The following PIGR variants were observed in gnomAD, a reference collection of about 807,000 sequenced individuals.
The protein encoded by PIGR is polymeric immunoglobulin receptor, also known as hepatocellular carcinoma associated protein TB6.
Under a neutral mutation model 69.5 loss-of-function variants are expected in PIGR, and 22 were observed. That is an observed-to-expected ratio of 0.32 (90% CI 0.23 to 0.45). The LOEUF is 0.45. PIGR is among the 20% of genes least tolerant of loss of function. PIGR has a pLI of 1.00. For missense variants in PIGR, 885 were observed against 974.0 expected, an observed-to-expected ratio of 0.91 and a Z score of 1.22; for synonymous variants, 413 against 407.6, an observed-to-expected ratio of 1.01 and a Z score of -0.16.
chr1:206,930,341 G>C lies in PIGR; in HGVS notation c.2272C>G (p.Gln758Glu), dbSNP rs748350170. The change falls in exon 11 of 11, where the codon CAG (glutamine) becomes GAG (glutamate). Residue 758 changes from glutamine (Q) to glutamate (E), a missense_variant. Transcript: ENST00000356495. The surrounding 1 kb of genome is among the most constrained non-coding windows in gnomAD (Gnocchi z 4.3). ...LQSSTVAAEA[Q>E]DGPQEA is the part of the protein sequence containing the mutation. Reference sequence around the variant, plus strand: ...GTCTAGGCTTCCTGGGGGCCGTCCTGGGCCTCGGCGGCCACGGTGCTGGAC... The same window carrying C: ...GTCTAGGCTTCCTGGGGGCCGTCCTCGGCCTCGGCGGCCACGGTGCTGGAC... 17 of 1,611,664 alleles carry C rather than the reference G, an allele frequency of 1.1e-5. No homozygotes were observed. Among genetic ancestry groups the C allele is most frequent in the Non-Finnish European group, 1.4e-5 (17 of 1,178,866 alleles).
At position 206,935,673 on chromosome 1, in the gene PIGR, C is replaced by T. The variant is rs1679848909; in HGVS notation, c.1191G>A (p.Leu397=). The stretch of plus-strand genomic sequence containing the variant: ...TAACCCACCCCTCGCTGTCCACCAG[C>T]AGGGGGCAGCGGCCATTCTGGGCCC... ...WEGAQNGRCP[L]LVDSEGWVKA... Residue 397 remains leucine (L), a synonymous_variant, in exon 5 of 11, where the codon CTG becomes CTA. Coordinates refer to ENST00000356495, the MANE Select transcript of PIGR (RefSeq NM_002644.4). This position sits in a 1 kb window ranked among gnomAD's most constrained non-coding sequence, Gnocchi z 4.4. 6.2e-7 allele frequency: 1 copy of T among 1,613,982 alleles called. No homozygotes were observed. Among genetic ancestry groups the T allele is most frequent in the Non-Finnish European group, 8.5e-7 (1 of 1,179,968 alleles).
rs373109490 is a variant in PIGR at position 206,930,447 on chromosome 1, G to T, written c.2200-34C>A. ...CAAGAGGAGAGGCATCAGTGTTGGG[G>T]GCACTGGCTCAGTGGGTGGAGTCAG... On this transcript the variant is annotated intron_variant, in intron 10 of 10. Transcript: ENST00000356495. This position sits in a 1 kb window ranked among gnomAD's most constrained non-coding sequence, Gnocchi z 4.3. 1.2e-6 allele frequency: 2 copies of T among 1,602,298 alleles called. No homozygotes were observed. The highest frequency in any genetic ancestry group is 2.3e-5 in the East Asian group (1 of 44,252).
Position 206,935,405 on chromosome 1 carries a change from G to GA in PIGR, c.1378+80dup. On this transcript the variant is annotated intron_variant, in intron 5 of 10. Coordinates refer to ENST00000356495, the MANE Select transcript of PIGR (RefSeq NM_002644.4). This position sits in a 1 kb window ranked among gnomAD's most constrained non-coding sequence, Gnocchi z 4.4. ...CTGGCCCATCAGGGTGGAGGCGGGT[G>GA]AAAAAGGAGGAAGAGTGGTTGGGGA... 8.0e-7 allele frequency: 1 copy of GA among 1,246,574 alleles called. No individual in the cohort carries two copies. Among genetic ancestry groups the GA allele is most frequent in the Non-Finnish European group, 1.1e-6 (1 of 877,132 alleles). The allele number at this position is 1,246,574 out of a possible 1,614,324, so 77.2% of individuals were successfully genotyped here. A position where few individuals can be genotyped will look rare whatever the true frequency, so the allele number is the denominator to read the frequency against.
intron 3 of PIGR, 40 bp downstream of exon 3, chr1:206,939,079 C>T: frequency 6.5e-7 from 1 of 1,537,102 alleles, no homozygotes; most frequent in Non-Finnish European, 8.9e-7. Context: ...AGAATTCCCT[C>T]TAACTTTCCC....
rs372017287 is a variant in PIGR, at chr1:206,935,857, C to A, written c.1046-39G>T. ...CAGAGATGGGATGGGAGGATGGCCA[C>A]GCAGGAAGAGCCTTGCGTGGCCTGA... On this transcript the variant is annotated intron_variant, in intron 4 of 10. Coordinates refer to ENST00000356495, the MANE Select transcript of PIGR (RefSeq NM_002644.4). This position sits in a 1 kb window ranked among gnomAD's most constrained non-coding sequence, Gnocchi z 4.4. 3 of 1,502,702 alleles carry A rather than the reference C, an allele frequency of 2.0e-6. No homozygotes were observed. Among genetic ancestry groups the A allele is most frequent in the Non-Finnish European group, 9.0e-7 (1 of 1,105,066 alleles). 93.1% of individuals were successfully genotyped at this position (1,502,702 alleles called of 1,614,324 possible).
rs377576683 is a variant in PIGR at position 206,939,985 on chromosome 1, G to T, written c.43+504C>A. On this transcript the variant is annotated intron_variant, in intron 2 of 10. Coordinates refer to ENST00000356495, the MANE Select transcript of PIGR (RefSeq NM_002644.4). ...TCCACCCTCCTTGGCCTCCCAAAGTGCTGGCATTACAGCTGTGAGCCAGCA... is the reference window on the plus strand; with the variant it reads ...TCCACCCTCCTTGGCCTCCCAAAGTTCTGGCATTACAGCTGTGAGCCAGCA... Among the ~76,000 whole-genome samples the T allele has an allele frequency of 5.9e-5, 9 of 152,320 alleles. No homozygotes were observed. The South Asian group carries it at 1.0e-3, about 18-fold the overall frequency.
rs766032355 is a variant in PIGR, at chr1:206,939,160, C to T, written c.347G>A (p.Ser116Asn). 6.2e-6 allele frequency: 10 copies of T among 1,613,586 alleles called. No homozygotes were observed. Among genetic ancestry groups the T allele is most frequent in the South Asian group, 1.1e-5 (1 of 91,068 alleles). The change falls in exon 3 of 11, where the codon AGC becomes AAC. Residue 116 changes from serine (S) to asparagine (N), a missense_variant. Coordinates refer to ENST00000356495, the MANE Select transcript of PIGR (RefSeq NM_002644.4). ...GRYKCGLGIN[S>N]RGLSFDVSLE... is the part of the protein sequence containing the mutation. ...GCTGACATCAAAGGACAGGCCTCGG[C>T]TATTGATGCCCAGGCCACACTTGTA...
intron 1 of PIGR, among the ~76,000 whole-genome samples, chr1:206,941,515 A>G (rs1458417874): frequency 6.6e-6 from 1 of 152,216 alleles, no homozygotes; most frequent in East Asian, 1.9e-4. Flanking sequence ...CAACCATTTT[A>G]TGGATAAAAC....
rs906380274 is a variant in PIGR, at chr1:206,931,546, G to A, written c.2150C>T (p.Ala717Val). The change falls in exon 10 of 11, where the codon GCC becomes GTC. Residue 717 changes from alanine to valine, a missense_variant. Transcript: ENST00000356495. ...TSLGGKEEFV[A>V]TTESTTETKE... ...GGTCTCTGTGGTGCTCTCAGTGGTGGCAACAAACTCTGTGTGAAGAAAGAG... is the reference window on the plus strand; with the variant it reads ...GGTCTCTGTGGTGCTCTCAGTGGTGACAACAAACTCTGTGTGAAGAAAGAG... 4 of 1,614,020 alleles carry A rather than the reference G, an allele frequency of 2.5e-6. No homozygotes were observed. Among genetic ancestry groups the A allele is most frequent in the Middle Eastern group, 1.6e-4 (1 of 6,062 alleles).
In PIGR at chr1:206,935,624, A is replaced by G. The variant is rs12136585; in HGVS notation, c.1240T>C (p.Ser414Pro). 6.2e-7 allele frequency: 1 copy of G among 1,614,114 alleles called. No homozygotes were observed. The highest frequency in any genetic ancestry group is 1.7e-5 in the Admixed American group (1 of 60,026). ...CCGTTGCCTGGCTCCTCCAGCAGGG[A>G]GAGGCGGCCCTCGTACTGGGCCTTA... ...WVKAQYEGRL[S>P]LLEEPGNGTF... The change falls in exon 5 of 11, where the codon TCC (serine) becomes CCC (proline). Residue 414 changes from serine (S) to proline (P), a missense_variant. Ser to Pro is a moderately conservative substitution (Grantham distance 74). Coordinates refer to ENST00000356495, the MANE Select transcript of PIGR (RefSeq NM_002644.4). The surrounding 1 kb of genome is among the most constrained non-coding windows in gnomAD (Gnocchi z 4.4).
At chr1:206,942,663 A>T (rs1264177022) in intron 1 of PIGR, among the ~76,000 whole-genome samples, 1 of 152,202 alleles carries the variant, frequency 6.6e-6, no homozygotes, top group African/African-American at 2.4e-5. Context: ...CCTGGGTTGC[A>T]GAGAGTCAGA....
rs1679854611 is a variant in PIGR at position 206,935,902 on chromosome 1, C to A, written c.1046-84G>T. On this transcript the variant is annotated intron_variant, in intron 4 of 10. Transcript: ENST00000356495. The surrounding 1 kb of genome is among the most constrained non-coding windows in gnomAD (Gnocchi z 4.4). Reference sequence around the variant, plus strand: ...GCCTGAGAAGCCTTCTTCCCGGGGTCTCAGCCAGGATGGGGAGTGAAGTTT... The same window carrying A: ...GCCTGAGAAGCCTTCTTCCCGGGGTATCAGCCAGGATGGGGAGTGAAGTTT... The A allele has an allele frequency of 2.9e-6, 3 of 1,023,976 alleles. No homozygotes were observed. The highest frequency in any genetic ancestry group is 1.6e-5 in the South Asian group (1 of 63,708). 63.4% of individuals were successfully genotyped at this position (1,023,976 alleles called of 1,614,324 possible). A position where few individuals can be genotyped will look rare whatever the true frequency, so the allele number is the denominator to read the frequency against.
rs756725260 is a variant in PIGR, at chr1:206,937,631, C to T, written c.509G>A (p.Gly170Asp). ...GTCGATGACCAGCACAGGGTACAGG[C>T]CTATCTGCTTGTACAAGGACTTCCT... ...QKRKSLYKQI[G>D]LYPVLVIDSS... Residue 170 changes from glycine (G) to aspartate (D), a missense_variant, in exon 4 of 11, where the codon GGC becomes GAC. Transcript: ENST00000356495. 2.5e-6 allele frequency: 4 copies of T among 1,613,730 alleles called. No homozygotes were observed. In the Admixed American group the frequency reaches 6.7e-5, roughly 27 times the overall value.
intron 3 of PIGR, among the ~76,000 whole-genome samples, chr1:206,938,076 G>A (rs1435096915): frequency 6.6e-6 from 1 of 152,234 alleles, no homozygotes; most frequent in Non-Finnish European, 1.5e-5. Context: ...TCTCATGTTT[G>A]ACCCCTCTGC....
chr1:206,935,655 C>A lies in PIGR; in HGVS notation c.1209G>T (p.Gly403=). The change falls in exon 5 of 11, where the codon GGG becomes GGT. Residue 403 remains glycine (G), a synonymous_variant. Coordinates refer to ENST00000356495, the MANE Select transcript of PIGR (RefSeq NM_002644.4). The surrounding 1 kb of genome is among the most constrained non-coding windows in gnomAD (Gnocchi z 4.4). ...GGCCCTCGTACTGGGCCTTAACCCA[C>A]CCCTCGCTGTCCACCAGCAGGGGGC... ...GRCPLLVDSE[G]WVKAQYEGRL... is the part of the protein sequence containing the mutation. 3 of 1,613,968 alleles carry A rather than the reference C, an allele frequency of 1.9e-6. No individual in the cohort carries two copies. The highest frequency in any genetic ancestry group is 2.5e-6 in the Non-Finnish European group (3 of 1,179,962).
chr1:206,944,220 A>T (rs1036438763), intron 1 of PIGR, among the ~76,000 whole-genome samples: 2 of 152,182 alleles, frequency 1.3e-5, no homozygotes, highest in African/African-American at 4.8e-5. Context: ...CACGCCTGTA[A>T]TCCCAGCACC....
intron 1 of PIGR, among the ~76,000 whole-genome samples, chr1:206,943,414 C>T (rs1336752321): frequency 1.3e-5 from 2 of 152,092 alleles, no homozygotes; most frequent in East Asian, 1.9e-4. Context: ...CATGAGGGCA[C>T]GTTTTCTGGT....
At chr1:206,940,617 C>A (rs997955592) in intron 1 of PIGR, 33 bp from the exon 2 acceptor site, 7 of 1,343,458 alleles carry the variant, frequency 5.2e-6, no homozygotes, top group Non-Finnish European at 7.1e-6. Flanking sequence ...AGATGAAGCG[C>A]CCCTTGTCTT....
At chr1:206,932,602 A>T (rs1679778769) in intron 7 of PIGR, 25 bp from the exon 8 acceptor site, 1 of 1,596,440 alleles carries the variant, frequency 6.3e-7, no homozygotes, top group African/African-American at 1.3e-5. Flanking sequence ...AAGTTAGTTC[A>T]TCCCTGGAAG....
Sources: gnomAD v4.1 joint callset for allele counts (sites outside exome capture counted in the v4.1 genomes callset) on GRCh38, gnomAD v4.1.1 for gene constraint, Gnocchi (gnomAD v3.1) non-coding constraint, MANE v1.5 for transcripts, NCBI Gene and HGNC (gene_info 2026-07-23, HGNC 2026-07-21) for gene names.